The following MACROD2 variants were observed in gnomAD, a reference collection of about 807,000 sequenced individuals.
MACROD2 encodes mono-ADP ribosylhydrolase 2, also known as ADP-ribose glycohydrolase MACROD2.
MACROD2 carries 36 observed loss-of-function variants against 70.4 expected under a neutral mutation model. That is an observed-to-expected ratio of 0.51 (90% CI 0.39 to 0.68). The LOEUF (loss-of-function observed/expected upper bound fraction) is 0.68, where lower values mean the gene tolerates loss of function less well. Ranked by LOEUF, MACROD2 falls within the 30% of genes least tolerant of loss-of-function variation. MACROD2 has a pLI of 0.00. For synonymous variants in MACROD2, 172 were observed against 178.8 expected (o/e 0.96, Z 0.30); for missense variants, 496 against 538.4 (o/e 0.92, Z 0.78).
intron 5 of MACROD2, among the ~76,000 whole-genome samples, chr20:14,717,967 C>A (rs1341135113): frequency 1.3e-5 from 2 of 151,516 alleles, no homozygotes; most frequent in Non-Finnish European, 1.5e-5. Context: ...ACCAAAAATA[C>A]ACACACACAC....
chr20:15,928,176 G>A lies in MACROD2; in HGVS notation c.776-5100G>A, dbSNP rs535417538. On this transcript the variant is annotated intron_variant, in intron 10 of 17. Coordinates refer to ENST00000684519, the MANE Select transcript of MACROD2 (RefSeq NM_001351661.2). ...GAAGATATATACTAAAGTATTCAAG[G>A]CTGATGGGCATGATTAGGACATGAT... Among the ~76,000 whole-genome samples, 24 of 152,282 alleles carry A rather than the reference G, an allele frequency of 1.6e-4. 1 individual carries two copies. The highest frequency in any genetic ancestry group is 5.5e-4 in the African/African-American group (23 of 41,566).
At chr20:15,003,519 G>A (rs1600934504) in intron 5 of MACROD2, among the ~76,000 whole-genome samples, 1 of 152,162 alleles carries the variant, frequency 6.6e-6, no homozygotes, top group Non-Finnish European at 1.5e-5. Flanking sequence ...GAATTTCAAA[G>A]TATAGAGACT....
intron 6 of MACROD2, among the ~76,000 whole-genome samples, chr20:15,263,527 C>T (rs1353151157): frequency 1.3e-5 from 2 of 151,708 alleles, no homozygotes; most frequent in Non-Finnish European, 2.9e-5. Context: ...TTTTTTGGTT[C>T]TATATAATTT....
At chr20:15,584,692 G>C (rs540066292) in intron 8 of MACROD2, among the ~76,000 whole-genome samples, 1 of 152,262 alleles carries the variant, frequency 6.6e-6, no homozygotes, top group South Asian at 2.1e-4. Context: ...GTACCCACAG[G>C]GGGCACTGGT....
chr20:14,321,504 T>G (rs1383327402), intron 3 of MACROD2, among the ~76,000 whole-genome samples: 2 of 152,200 alleles, frequency 1.3e-5, no homozygotes, highest in South Asian at 2.1e-4. Context: ...AAAAGTACGG[T>G]GTTTGTAATT....
chr20:15,123,605 C>A, intron 5 of MACROD2, among the ~76,000 whole-genome samples: 1 of 30,596 alleles, frequency 3.3e-5, no homozygotes, highest in Middle Eastern at 0.026. Context: ...AAATTCATTG[C>A]ACTTATTTTT....
At chr20:15,244,114 A>G (rs1205869848) in intron 6 of MACROD2, among the ~76,000 whole-genome samples, 1 of 152,162 alleles carries the variant, frequency 6.6e-6, no homozygotes, top group Non-Finnish European at 1.5e-5. Context: ...ATTTATGTCT[A>G]TTATATTTAT....
chr20:14,379,416 T>G (rs2083401759), intron 3 of MACROD2, among the ~76,000 whole-genome samples: 1 of 152,274 alleles, frequency 6.6e-6, no homozygotes, highest in Middle Eastern at 3.4e-3. Context: ...ATTCGATGGG[T>G]TTTTGTTCAT....
chr20:14,519,055 G>A (rs2085135557), intron 4 of MACROD2, among the ~76,000 whole-genome samples: 1 of 152,096 alleles, frequency 6.6e-6, no homozygotes, highest in African/African-American at 2.4e-5. Flanking sequence ...CAATACAAAA[G>A]ATAATTTGTT....
At chr20:15,404,562 C>T (rs1175910105) in intron 6 of MACROD2, among the ~76,000 whole-genome samples, 1 of 152,206 alleles carries the variant, frequency 6.6e-6, no homozygotes, top group Non-Finnish European at 1.5e-5. Flanking sequence ...AGTTAAAAAC[C>T]AGTCTCTGGC....
At chr20:15,558,591 T>G (rs2048199664) in intron 8 of MACROD2, among the ~76,000 whole-genome samples, 1 of 152,206 alleles carries the variant, frequency 6.6e-6, no homozygotes, top group Non-Finnish European at 1.5e-5. Flanking sequence ...TTTCATATGT[T>G]TCATATGAAA....
At chr20:15,578,761 G>A (rs1568905816) in intron 8 of MACROD2, among the ~76,000 whole-genome samples, 1 of 151,570 alleles carries the variant, frequency 6.6e-6, no homozygotes, top group Non-Finnish European at 1.5e-5. Context: ...CCGTTGAGCT[G>A]TGACTTCATT....
chr20:14,996,825 A>G (rs963053721), intron 5 of MACROD2, among the ~76,000 whole-genome samples: 3 of 152,102 alleles, frequency 2.0e-5, no homozygotes, highest in Non-Finnish European at 4.4e-5. Flanking sequence ...CCAAAGGGGA[A>G]CCGTCCACAC....
intron 5 of MACROD2, among the ~76,000 whole-genome samples, chr20:14,829,519 C>T (rs1402828682): frequency 6.6e-6 from 1 of 151,990 alleles, no homozygotes; most frequent in Non-Finnish European, 1.5e-5. Flanking sequence ...ATTTTTTCAC[C>T]TGAGCCAGCT....
intron 3 of MACROD2, among the ~76,000 whole-genome samples, chr20:14,394,108 G>A (rs1187853689): frequency 6.6e-6 from 1 of 152,046 alleles, no homozygotes; most frequent in Non-Finnish European, 1.5e-5. Context: ...GACGTGTAGA[G>A]GAATATTATG....
chr20:14,503,959 G>C (rs1436876459), intron 4 of MACROD2, among the ~76,000 whole-genome samples: 1 of 152,224 alleles, frequency 6.6e-6, no homozygotes, highest in Non-Finnish European at 1.5e-5. Context: ...TCTGTCATTA[G>C]ATTATCTCTA....
At chr20:15,636,748 G>A (rs1460337801) in intron 8 of MACROD2, among the ~76,000 whole-genome samples, 1 of 152,072 alleles carries the variant, frequency 6.6e-6, no homozygotes, top group East Asian at 1.9e-4. Flanking sequence ...GCCCTTCCCA[G>A]CCTGCAGGAA....
chr20:14,579,107 G>T (rs937535114), intron 4 of MACROD2, among the ~76,000 whole-genome samples: 10 of 149,532 alleles, frequency 6.7e-5, no homozygotes. Flanking sequence ...TTTTTTTCTG[G>T]GAAGCAACTG....
At chr20:15,553,299 A>G (rs890936324) in intron 8 of MACROD2, among the ~76,000 whole-genome samples, 1 of 152,202 alleles carries the variant, frequency 6.6e-6, no homozygotes, top group African/African-American at 2.4e-5. Context: ...GTCAATTATA[A>G]TTCAGATTGG....
Sources: gnomAD v4.1 joint callset for allele counts (sites outside exome capture counted in the v4.1 genomes callset) on GRCh38, gnomAD v4.1.1 for gene constraint, MANE v1.5 for transcripts, NCBI Gene and HGNC (gene_info 2026-07-23, HGNC 2026-07-21) for gene names.